The following ZNF140 variants were observed in gnomAD, a reference collection of about 807,000 sequenced individuals.
ZNF140 encodes the protein zinc finger protein 140 (clone pHZ-39).
In ZNF140, 13 loss-of-function variants were observed where a neutral mutation model predicts 12.9. The ratio of observed to expected loss-of-function variants is 1.01; its 90% CI spans 0.66 to 1.60. ZNF140 has a LOEUF of 1.60. Among genes scored for constraint, ZNF140 ranks in the 40% most tolerant of loss-of-function variants. ZNF140 has a pLI of 0.00. For missense variants in ZNF140, 531 were observed against 548.8 expected (o/e 0.97, Z 0.32); for synonymous variants, 214 against 186.7 (o/e 1.15, Z -1.19).
chr12:133,101,998 C>T (rs962118838), intron 4 of ZNF140, among the ~76,000 whole-genome samples: 3 of 151,484 alleles, frequency 2.0e-5, no homozygotes, highest in African/African-American at 7.3e-5. Flanking sequence ...CATAATTTTA[C>T]ATTGAAGGGT....
intron 4 of ZNF140, among the ~76,000 whole-genome samples, chr12:133,105,072 CATTT>C (rs1955538886): frequency 1.3e-5 from 2 of 151,506 alleles, no homozygotes; most frequent in South Asian, 4.2e-4. Context: ...CTTTTTTTTT[CATTT>C]AGATTATTAT....
At position 133,105,847 on chromosome 12, in the gene ZNF140, A is replaced by C; in HGVS notation, c.570A>C (p.Ala190=). The C allele has an allele frequency of 6.2e-7, 1 of 1,614,206 alleles. No individual in the cohort carries two copies. The highest frequency in any genetic ancestry group is 1.1e-5 in the South Asian group (1 of 91,080). The change falls in exon 5 of 5, where the codon GCA becomes GCC. Residue 190 remains alanine (A), a synonymous_variant. Transcript: ENST00000355557. ...QRTHTGEKPY[A]CKECGKTFSQ... is the part of the protein sequence containing the mutation. ...CTCATACTGGAGAGAAACCATATGC[A>C]TGTAAGGAATGTGGCAAAACCTTTA...
intron 4 of ZNF140, among the ~76,000 whole-genome samples, chr12:133,096,078 T>C (rs1171260626): frequency 2.0e-5 from 3 of 151,562 alleles, no homozygotes; most frequent in South Asian, 4.2e-4. Context: ...GGTCAGGTCT[T>C]TCTCATCCCA....
In ZNF140 at chr12:133,106,701, A is replaced by G; in HGVS notation, c.*50A>G. 6.9e-7 allele frequency: 1 copy of G among 1,457,842 alleles called. No homozygotes were observed. Among genetic ancestry groups the G allele is most frequent in the Non-Finnish European group, 9.2e-7 (1 of 1,091,574 alleles). The allele number at this position is 1,457,842 out of a possible 1,614,324, so 90.3% of individuals were successfully genotyped here. ...GAATGTATGGAATTTTTTAAAAAGA[A>G]GTATAATGCCTTACTTCAGAGAACT... On this transcript the variant is annotated 3_prime_UTR_variant, in exon 5 of 5. Coordinates refer to ENST00000355557, the MANE Select transcript of ZNF140 (RefSeq NM_003440.4).
In ZNF140 at chr12:133,094,786, G is replaced by A. The variant is rs965315575; in HGVS notation, c.233-10724G>A. 7.9e-5 allele frequency among the ~76,000 whole-genome samples: 12 copies of A among 151,278 alleles called. 2 individuals are homozygous for A. The South Asian group carries it at 1.5e-3, about 18-fold the overall frequency. ...AGGCTCCCTCCCCCAGCACTCACTC[G>A]GCTGAGGAGGAGGTGGCCATCGTGC... On this transcript the variant is annotated intron_variant, in intron 4 of 4. Transcript: ENST00000355557.
At chr12:133,083,986 A>G (rs980665913) in intron 4 of ZNF140, 9 of 287,242 alleles carry the variant, frequency 3.1e-5, no homozygotes, top group African/African-American at 1.8e-4. Flanking sequence ...TACCAGAGGT[A>G]TAAAGACTGA....
chr12:133,096,048 T>C (rs868178571), intron 4 of ZNF140, among the ~76,000 whole-genome samples: 2,447 of 145,206 alleles, frequency 0.017, 41 homozygotes, highest in South Asian at 0.029. Context: ...AGACCCTTTA[T>C]GGGTGTCGGG....
chr12:133,081,235 T>C, intron 1 of ZNF140, 38 bp from the exon 2 acceptor site: 1 of 1,140,554 alleles, frequency 8.8e-7, no homozygotes, highest in Non-Finnish European at 1.3e-6. Context: ...GCGGCCTAGC[T>C]GGCCTGTTCG....
chr12:133,106,030 A>G lies in ZNF140; in HGVS notation c.753A>G (p.Gly251=), dbSNP rs1465031681. Residue 251 remains glycine, a synonymous_variant, in exon 5 of 5, where the codon GGA becomes GGG. Transcript: ENST00000355557. ...AACCTTATGAATGTACTGAGTGTGG[A>G]AAGGCCTTTAGCCGTGCCTCCAACC... is the stretch of plus-strand genomic sequence containing the variant. ...GEKPYECTEC[G]KAFSRASNLT... 2.2e-5 allele frequency: 35 copies of G among 1,614,050 alleles called. No individual in the cohort carries two copies. The East Asian group carries it at 7.8e-4, about 36-fold the overall frequency.
intron 4 of ZNF140, among the ~76,000 whole-genome samples, chr12:133,103,745 G>A: frequency 6.6e-6 from 1 of 151,992 alleles, no homozygotes; most frequent in East Asian, 1.9e-4. Context: ...ACTTGCTCTT[G>A]TGTCTTATAT....
chr12:133,105,792 G>A lies in ZNF140; in HGVS notation c.515G>A (p.Arg172Gln). 5.6e-6 allele frequency: 9 copies of A among 1,614,098 alleles called. No individual in the cohort carries two copies. The highest frequency in any genetic ancestry group is 2.2e-5 in the East Asian group (1 of 44,876). Residue 172 changes from arginine to glutamine, a missense_variant, in exon 5 of 5, where the codon CGA becomes CAA. Physicochemically the swap from Arg to Gln is conservative, Grantham distance 43. Coordinates refer to ENST00000355557, the MANE Select transcript of ZNF140 (RefSeq NM_003440.4). ...GCHECGKTFGRRFSLVLHQRT... is the reference protein window; with the variant it reads ...GCHECGKTFGQRFSLVLHQRT... ...CATGAATGTGGAAAAACTTTTGGTC[G>A]ACGCTTTTCCCTGGTGTTACACCAG... is the stretch of plus-strand genomic sequence containing the variant.
rs948091445 is a variant in ZNF140 at position 133,088,436 on chromosome 12, A to G, written c.232+4875A>G. Among the ~76,000 whole-genome samples the G allele has an allele frequency of 3.9e-4, 59 of 152,326 alleles. 1 individual carries two copies. In the East Asian group the frequency reaches 0.011, roughly 28 times the overall value. On this transcript the variant is annotated intron_variant, in intron 4 of 4. Coordinates refer to ENST00000355557, the MANE Select transcript of ZNF140 (RefSeq NM_003440.4). Reference sequence around the variant, plus strand: ...TAGTTACATGTCTTTTCATGGCTTGATAGCTCTTTCTTTTTAGCACTGAAT... The same window carrying G: ...TAGTTACATGTCTTTTCATGGCTTGGTAGCTCTTTCTTTTTAGCACTGAAT...
intron 4 of ZNF140, among the ~76,000 whole-genome samples, chr12:133,091,170 A>G (rs1303109783): frequency 0.017 from 2,502 of 149,522 alleles, 80 homozygotes; most frequent in Middle Eastern, 0.041. Flanking sequence ...CATATTTCAG[A>G]CTCTCACATT....
chr12:133,091,113 C>A (rs1283834250), intron 4 of ZNF140, among the ~76,000 whole-genome samples: 1 of 148,396 alleles, frequency 6.7e-6, no homozygotes, highest in Non-Finnish European at 1.5e-5. Context: ...AGACCTTTTA[C>A]AGGTGTCGGG....
At chr12:133,087,603 A>G (rs1406337486) in intron 4 of ZNF140, among the ~76,000 whole-genome samples, 1 of 152,028 alleles carries the variant, frequency 6.6e-6, no homozygotes, top group African/African-American at 2.4e-5. Context: ...ACTCCACTGC[A>G]TTCAGACCAG....
intron 4 of ZNF140, among the ~76,000 whole-genome samples, chr12:133,090,006 C>T (rs1190115875): frequency 3.9e-5 from 6 of 151,992 alleles, no homozygotes; most frequent in Non-Finnish European, 7.4e-5. Flanking sequence ...CACGCCACCA[C>T]GCCCAGCTAA....
At chr12:133,097,850 T>TGTGTGTGTGTGTGTGTGTGTGTG (rs1491441408) in intron 4 of ZNF140, among the ~76,000 whole-genome samples, 39 of 150,248 alleles carry the variant, frequency 2.6e-4, no homozygotes, top group African/African-American at 4.4e-4. Context: ...TGTGTGTGTG[T>TGTGTGTGTGTGTGTGTGTGTGTG]TTTTGAGATG....
At position 133,081,306 on chromosome 12, in the gene ZNF140, TC is replaced by T. The variant is rs1346044458; in HGVS notation, c.-12del. On this transcript the variant is annotated 5_prime_UTR_variant, in exon 2 of 5. Transcript: ENST00000355557. ...TTTTACACTTTTCTGATCTCCTCCT[TC>T]CCTTCTGTGAGCTATGTCTCAGGTA... The T allele has an allele frequency of 6.3e-5, 96 of 1,524,564 alleles. No individual in the cohort carries two copies. Among genetic ancestry groups the T allele is most frequent in the Admixed American group, 4.4e-4 (25 of 56,538 alleles). The allele number at this position is 1,524,564 out of a possible 1,614,324, so 94.4% of individuals were successfully genotyped here.
Position 133,081,348 on chromosome 12 carries a change from A to AAAATATAT in ZNF140, c.9+20_9+21insAATATATA, listed in dbSNP as rs1555291953. ...GTCTCAGGTAAGCTAATGATTGATA[A>AAAATATAT]ATATATATATATATATATATATAAA... On this transcript the variant is annotated intron_variant, in intron 2 of 4. Coordinates refer to ENST00000355557, the MANE Select transcript of ZNF140 (RefSeq NM_003440.4). The AAAATATAT allele has an allele frequency of 2.0e-4, 64 of 318,798 alleles. 1 individual carries two copies. Among genetic ancestry groups the AAAATATAT allele is most frequent in the Non-Finnish European group, 2.7e-4 (46 of 172,500 alleles). The allele number at this position is 318,798 out of a possible 1,614,324, so 19.7% of individuals were successfully genotyped here.
Sources: gnomAD v4.1 joint callset for allele counts (sites outside exome capture counted in the v4.1 genomes callset) on GRCh38, gnomAD v4.1.1 for gene constraint, MANE v1.5 for transcripts, NCBI Gene and HGNC (gene_info 2026-07-23, HGNC 2026-07-21) for gene names.